Variants in GNB5 observed in about 807,000 individuals in gnomAD.
GNB5 encodes the protein G protein subunit beta 5, also known as guanine nucleotide-binding protein subunit beta-5.
In GNB5, 37 loss-of-function variants were observed where a neutral mutation model predicts 55.3. The observed-to-expected ratio is 0.67, with a 90% CI of 0.51 to 0.88. The LOEUF is 0.88. Ranked by LOEUF, GNB5 falls within the 40% of genes least tolerant of loss-of-function variation. The probability of loss-of-function intolerance (pLI) is 0.00; values close to 1 mark genes in which losing one functional copy is unlikely to be tolerated. For synonymous variants in GNB5, 219 were observed against 198.5 expected (o/e 1.10, Z -0.87); for missense variants, 476 against 515.3 (o/e 0.92, Z 0.74).
At chr15:52,190,117 A>AT (rs68061912) in intron 1 of GNB5, among the ~76,000 whole-genome samples, 2,823 of 143,962 alleles carry the variant, frequency 0.02, 60 homozygotes, top group East Asian at 0.12. Flanking sequence ...ATCTCAATAA[A>AT]TTTTTTTTTT....
chr15:52,130,885 G>C (rs973753809), intron 9 of GNB5, among the ~76,000 whole-genome samples: 1 of 152,224 alleles, frequency 6.6e-6, no homozygotes, highest in African/African-American at 2.4e-5. Flanking sequence ...GAGTGCAGTG[G>C]CACGATCTCA....
intron 2 of GNB5, among the ~76,000 whole-genome samples, chr15:52,181,551 G>C (rs895664608): frequency 6.6e-6 from 1 of 152,116 alleles, no homozygotes; most frequent in African/African-American, 2.4e-5. Flanking sequence ...TGGAATCAGA[G>C]GTTGCAGTGA....
intron 3 of GNB5, among the ~76,000 whole-genome samples, chr15:52,179,278 G>A (rs971830332): frequency 1.3e-5 from 2 of 152,102 alleles, no homozygotes; most frequent in African/African-American, 2.4e-5. Flanking sequence ...TTGGAAAAAT[G>A]AGCTTTGAAA....
intron 7 of GNB5, among the ~76,000 whole-genome samples, chr15:52,139,302 C>T (rs923324275): frequency 6.6e-6 from 1 of 152,048 alleles, no homozygotes; most frequent in Non-Finnish European, 1.5e-5. Flanking sequence ...ATTAGCCAGG[C>T]ATGGTGGCGT....
intron 3 of GNB5, chr15:52,162,835 T>A (rs552145586): frequency 9.2e-5 from 14 of 152,150 alleles, no homozygotes; most frequent in African/African-American, 3.4e-4. Context: ...TCCCACTGCT[T>A]CACTTGACTA....
Position 52,119,929 on chromosome 15 carries a change from T to G in GNB5, c.*2828A>C, listed in dbSNP as rs1277104941. ...AACCTAGAGAAGGGTGCAAAGGAGGTAGAAGAGCGGGAAGAGGGCAGTGGC... is the reference window on the plus strand; with the variant it reads ...AACCTAGAGAAGGGTGCAAAGGAGGGAGAAGAGCGGGAAGAGGGCAGTGGC... On this transcript the variant is annotated 3_prime_UTR_variant, in exon 13 of 13. Coordinates refer to ENST00000261837, the MANE Select transcript of GNB5 (RefSeq NM_016194.4). 6.6e-6 allele frequency: 1 copy of G among 152,124 alleles called. No individual in the cohort carries two copies. The highest frequency in any genetic ancestry group is 1.5e-5 in the Non-Finnish European group (1 of 68,100). 9.4% of individuals were successfully genotyped at this position (152,124 alleles called of 1,614,324 possible). A position where few individuals can be genotyped will look rare whatever the true frequency, so the allele number is the denominator to read the frequency against.
In GNB5 at chr15:52,120,857, C is replaced by G. The variant is rs1434970053; in HGVS notation, c.*1900G>C. 6.6e-6 allele frequency: 1 copy of G among 152,306 alleles called. No homozygotes were observed. The highest frequency in any genetic ancestry group is 2.4e-5 in the African/African-American group (1 of 41,466). The allele number at this position is 152,306 out of a possible 1,614,324, so 9.4% of individuals were successfully genotyped here. A position where few individuals can be genotyped will look rare whatever the true frequency, so the allele number is the denominator to read the frequency against. ...TCTCTCTGGGCTCCCTGGAGGAAGG[C>G]AGAGGCCCTTCATTTTTCTCTCTCT... On this transcript the variant is annotated 3_prime_UTR_variant, in exon 13 of 13. Transcript: ENST00000261837.
Position 52,126,016 on chromosome 15 carries a change from C to T in GNB5, c.941G>A (p.Arg314Lys), listed in dbSNP as rs966112783. 1.9e-6 allele frequency: 3 copies of T among 1,584,366 alleles called. No homozygotes were observed. Among genetic ancestry groups the T allele is most frequent in the South Asian group, 1.1e-5 (1 of 89,104 alleles). ...TCRLYDLRAD[R>K]EVAIYSKESI... is the part of the protein sequence containing the mutation. ...TTCTTTGGAATAGATGGCAACCTCC[C>T]TATCTGCCCGCAGGTCATAGAGGCG... The change falls in exon 11 of 13, where the codon AGG (arginine) becomes AAG (lysine). Residue 314 changes from arginine to lysine, a missense_variant. By Grantham distance (26) the Arg-to-Lys change is conservative. Transcript: ENST00000261837.
At chr15:52,148,452 C>A (rs761299709) in intron 5 of GNB5, among the ~76,000 whole-genome samples, 1 of 152,012 alleles carries the variant, frequency 6.6e-6, no homozygotes, top group Non-Finnish European at 1.5e-5. Context: ...TGAGAACCAC[C>A]GTGGCACACA....
intron 5 of GNB5, chr15:52,149,243 A>C (rs887681568): frequency 1.3e-5 from 2 of 152,794 alleles, no homozygotes; most frequent in African/African-American, 2.4e-5. Context: ...TCATAGCATA[A>C]AGGAAGGCTT....
intron 1 of GNB5, among the ~76,000 whole-genome samples, chr15:52,186,275 A>T (rs12907074): frequency 0.76 from 115,688 of 151,976 alleles, 45,714 homozygotes; most frequent in Middle Eastern, 0.88. Flanking sequence ...TTGCCTTTTT[A>T]AAAAAACTGC....
At chr15:52,180,877 TG>T (rs1324240620) in intron 2 of GNB5, 1 of 152,228 alleles carries the variant, frequency 6.6e-6, no homozygotes, top group African/African-American at 2.4e-5. Context: ...AAGAGGAAAC[TG>T]GGGCACAGAA....
chr15:52,126,157 A>G, intron 10 of GNB5, 113 bp from the exon 11 acceptor site: 1 of 612,754 alleles, frequency 1.6e-6, no homozygotes, highest in South Asian at 2.0e-5. Context: ...AGATGAAGGA[A>G]AAACTTCTTA....
chr15:52,179,997 G>A (rs1479775810), intron 2 of GNB5, 118 bp from the exon 3 acceptor site: 9 of 1,261,400 alleles, frequency 7.1e-6, no homozygotes, highest in African/African-American at 4.8e-5. Flanking sequence ...CCCGCCCTCC[G>A]CGATGACGCC....
chr15:52,184,500 C>T (rs1301196514), intron 2 of GNB5, 51 bp downstream of exon 2: 13 of 1,541,514 alleles, frequency 8.4e-6, no homozygotes, highest in African/African-American at 1.4e-5. Flanking sequence ...ACAGGACCCT[C>T]GCTTGACTGT....
intron 6 of GNB5, among the ~76,000 whole-genome samples, chr15:52,142,370 G>T (rs2033875155): frequency 6.6e-6 from 1 of 152,164 alleles, no homozygotes; most frequent in Non-Finnish European, 1.5e-5. Context: ...GTGCAAAAGG[G>T]TGATTTATTT....
chr15:52,154,215 T>G, intron 3 of GNB5, 139 bp from the exon 4 acceptor site: 2 of 682,382 alleles, frequency 2.9e-6, no homozygotes, highest in Non-Finnish European at 4.8e-6. Context: ...CTTGATTCTC[T>G]GATTCCTTAC....
intron 2 of GNB5, chr15:52,181,158 C>T (rs1319583817): frequency 6.6e-6 from 1 of 152,308 alleles, no homozygotes; most frequent in Non-Finnish European, 1.5e-5. Flanking sequence ...AGAAGCCAGC[C>T]TCCACTTGCT....
At position 52,128,208 on chromosome 15, in the gene GNB5, T is replaced by C. The variant is rs35970638; in HGVS notation, c.900A>G (p.Ser300=). 2.5e-6 allele frequency: 4 copies of C among 1,610,180 alleles called. No individual in the cohort carries two copies. In the African/African-American group the frequency reaches 5.3e-5, roughly 22 times the overall value. The part of the protein sequence containing the change: ...YPSGDAFASG[S]DDATCRLYDL... ...CTTAGAAACATACCGTAGCGTCATC[T>C]GACCCTGAAGCAAAGGCATCTCCAC... The change falls in exon 10 of 13, where the codon TCA becomes TCG. Residue 300 remains serine, a synonymous_variant. Transcript: ENST00000261837.
Sources: gnomAD v4.1 joint callset for allele counts (sites outside exome capture counted in the v4.1 genomes callset) on GRCh38, gnomAD v4.1.1 for gene constraint, MANE v1.5 for transcripts, NCBI Gene and HGNC (gene_info 2026-07-23, HGNC 2026-07-21) for gene names.